Variants in ADGRV1 observed in about 807,000 individuals in gnomAD.
The protein encoded by ADGRV1 is G-protein coupled receptor 98.
In ADGRV1, 359 loss-of-function variants were observed where a neutral mutation model predicts 596.2. The observed-to-expected ratio is 0.60, with a 90% CI of 0.55 to 0.66. The LOEUF (loss-of-function observed/expected upper bound fraction) is 0.66, where lower values mean the gene tolerates loss of function less well. Among genes scored for constraint, ADGRV1 ranks in the 30% least tolerant of loss-of-function variants. ADGRV1 has a pLI of 0.00. For synonymous variants in ADGRV1, 2,681 were observed against 2,679.2 expected, an observed-to-expected ratio of 1.00 and a Z score of -0.02; for missense variants, 7,274 against 7,575.6, an observed-to-expected ratio of 0.96 and a Z score of 1.48.
chr5:91,105,810 T>C (rs569020077), intron 87 of ADGRV1, among the ~76,000 whole-genome samples: 1 of 152,166 alleles, frequency 6.6e-6, no homozygotes, highest in South Asian at 2.1e-4. Flanking sequence ...GGCTTTTTAG[T>C]TTGACATAAT....
chr5:90,760,473 A>G (rs2150002598), intron 58 of ADGRV1, among the ~76,000 whole-genome samples: 1 of 152,288 alleles, frequency 6.6e-6, no homozygotes, highest in South Asian at 2.1e-4. Context: ...TAGTAGATCA[A>G]GATGTACTTT....
At chr5:90,646,834 C>T (rs1198201480) in intron 16 of ADGRV1, among the ~76,000 whole-genome samples, 7 of 147,516 alleles carry the variant, frequency 4.7e-5, no homozygotes, top group African/African-American at 1.3e-4. Context: ...AGTGCAGCGG[C>T]GTGATCTCGG....
At chr5:90,593,435 A>G (rs1246273434) in intron 1 of ADGRV1, among the ~76,000 whole-genome samples, 1 of 150,060 alleles carries the variant, frequency 6.7e-6, no homozygotes. Flanking sequence ...GGAACATCAC[A>G]CATCAGGGCC....
intron 83 of ADGRV1, among the ~76,000 whole-genome samples, chr5:90,956,885 A>G (rs924227095): frequency 2.0e-5 from 3 of 152,162 alleles, no homozygotes; most frequent in Non-Finnish European, 2.9e-5. Context: ...CTGTGGAAAG[A>G]GCTGTAATGT....
intron 1 of ADGRV1, among the ~76,000 whole-genome samples, chr5:90,611,186 A>G (rs547821384): frequency 6.6e-6 from 1 of 151,896 alleles, no homozygotes; most frequent in African/African-American, 2.4e-5. Flanking sequence ...TTTTCTGAAA[A>G]CAACCATTTT....
At chr5:90,668,781 A>G (rs1771992089) in intron 21 of ADGRV1, among the ~76,000 whole-genome samples, 1 of 152,198 alleles carries the variant, frequency 6.6e-6, no homozygotes, top group South Asian at 2.1e-4. Flanking sequence ...ATTAGATATG[A>G]ATAGTGATTT....
chr5:90,704,305 A>G, intron 35 of ADGRV1, 84 bp from the exon 36 acceptor site: 1 of 853,778 alleles, frequency 1.2e-6, no homozygotes, highest in Non-Finnish European at 1.8e-6. Flanking sequence ...TGCCTGCACA[A>G]TTTATAAGGT....
Position 91,060,392 on chromosome 5 carries a change from ATATATATTT to A in ADGRV1, c.18153-12053_18153-12045del, listed in dbSNP as rs1462863118. On this transcript the variant is annotated intron_variant, in intron 85 of 89. Transcript: ENST00000405460. ...TATGTGTGTGTGTATATATATATAT[ATATATATTT>A]TTTTTTTTAATAGAGACGAGGTTTC... Among the ~76,000 whole-genome samples, 86 of 19,900 alleles carry A rather than the reference ATATATATTT, an allele frequency of 4.3e-3. 1 individual carries two copies. Among genetic ancestry groups the A allele is most frequent in the South Asian group, 0.028 (14 of 492 alleles). The allele number at this position is 19,900 out of a possible 152,430, so 13.1% of individuals were successfully genotyped here.
chr5:91,079,254 C>G (rs1789122964), intron 86 of ADGRV1, among the ~76,000 whole-genome samples: 1 of 152,184 alleles, frequency 6.6e-6, no homozygotes, highest in Non-Finnish European at 1.5e-5. Context: ...GCTTCTCACT[C>G]AACCGTGAAC....
intron 34 of ADGRV1, among the ~76,000 whole-genome samples, chr5:90,701,572 CTA>C (rs1038535065): frequency 6.6e-6 from 1 of 151,664 alleles, no homozygotes; most frequent in Non-Finnish European, 1.5e-5. Flanking sequence ...ATGTGCTTCT[CTA>C]TGTGCGTGTG....
intron 84 of ADGRV1, among the ~76,000 whole-genome samples, chr5:90,967,048 A>G (rs941145918): frequency 2.6e-5 from 4 of 152,156 alleles, no homozygotes; most frequent in African/African-American, 7.2e-5. Flanking sequence ...AGGTGGTGGT[A>G]TTATGAGAGA....
At chr5:90,677,663 CTT>C (rs1744407619) in intron 25 of ADGRV1, among the ~76,000 whole-genome samples, 1 of 152,104 alleles carries the variant, frequency 6.6e-6, no homozygotes, top group Non-Finnish European at 1.5e-5. Context: ...TATAGTGACA[CTT>C]GTTATATTAT....
chr5:90,608,662 G>T (rs1398523470), intron 1 of ADGRV1, among the ~76,000 whole-genome samples: 1 of 151,962 alleles, frequency 6.6e-6, no homozygotes, highest in Non-Finnish European at 1.5e-5. Context: ...GCTTTCTCAG[G>T]CTGTGACTGG....
At chr5:90,664,985 C>T (rs953667890) in intron 21 of ADGRV1, among the ~76,000 whole-genome samples, 3 of 151,958 alleles carry the variant, frequency 2.0e-5, no homozygotes, top group Admixed American at 6.6e-5. Context: ...GGTAGATAAG[C>T]TTTTTGATGT....
At chr5:90,889,657 T>C (rs1399959712) in intron 83 of ADGRV1, among the ~76,000 whole-genome samples, 1 of 152,150 alleles carries the variant, frequency 6.6e-6, no homozygotes, top group Non-Finnish European at 1.5e-5. Flanking sequence ...TTTTAAATTA[T>C]TATATAATTT....
At chr5:91,015,398 A>G (rs1247889707) in intron 85 of ADGRV1, among the ~76,000 whole-genome samples, 2 of 152,020 alleles carry the variant, frequency 1.3e-5, no homozygotes, top group Non-Finnish European at 2.9e-5. Context: ...TAGCAAATCC[A>G]TTTGGTCCAA....
At chr5:91,072,636 A>G in intron 86 of ADGRV1, 32 bp downstream of exon 86, 1 of 1,588,836 alleles carries the variant, frequency 6.3e-7, no homozygotes, top group Non-Finnish European at 8.6e-7. Flanking sequence ...TACTTTGGAG[A>G]TGGAAACGCT....
intron 83 of ADGRV1, among the ~76,000 whole-genome samples, chr5:90,910,462 C>T (rs373319447): frequency 6.6e-6 from 1 of 152,104 alleles, no homozygotes; most frequent in African/African-American, 2.4e-5. Flanking sequence ...ATTTAAAAAT[C>T]GTGTTTATTT....
At chr5:90,767,962 C>A (rs1351623024) in intron 59 of ADGRV1, among the ~76,000 whole-genome samples, 1 of 152,106 alleles carries the variant, frequency 6.6e-6, no homozygotes, top group African/African-American at 2.4e-5. Flanking sequence ...TGTGCCCTAG[C>A]CATGATCTGA....
Sources: gnomAD v4.1 joint callset for allele counts (sites outside exome capture counted in the v4.1 genomes callset) on GRCh38, gnomAD v4.1.1 for gene constraint, MANE v1.5 for transcripts, NCBI Gene and HGNC (gene_info 2026-07-23, HGNC 2026-07-21) for gene names.